Variants in GPN1 observed in about 807,000 individuals in gnomAD.
GPN1 encodes ATP(GTP)-binding protein.
A neutral mutation model predicts 55.9 loss-of-function variants in GPN1; 44 were observed. The ratio of observed to expected loss-of-function variants is 0.79; its 90% CI spans 0.62 to 1.01. The LOEUF is 1.01. Among genes scored for constraint, GPN1 ranks in the 50% least tolerant of loss-of-function variants. The pLI is 0.00. For missense variants in GPN1, 466 were observed against 462.8 expected (o/e 1.01, Z -0.06); for synonymous variants, 179 against 162.5 (o/e 1.10, Z -0.77).
intron 8 of GPN1, among the ~76,000 whole-genome samples, 185 bp from the exon 9 acceptor site, chr2:27,638,700 T>C (rs1673827317): frequency 6.6e-6 from 1 of 152,242 alleles, no homozygotes; most frequent in Non-Finnish European, 1.5e-5. Context: ...AATACACATC[T>C]TCATTTAATT....
intron 1 of GPN1, chr2:27,629,382 T>C (rs916043013): frequency 1.9e-6 from 3 of 1,550,988 alleles, no homozygotes; most frequent in Non-Finnish European, 2.6e-6. Flanking sequence ...CAGGGCATAC[T>C]CGGTCCAGCT....
Position 27,638,912 on chromosome 2 carries a change from G to C in GPN1, c.598G>C (p.Val200Leu). 6.2e-7 allele frequency: 1 copy of C among 1,613,964 alleles called. No individual in the cohort carries two copies. The change falls in exon 9 of 14, where the codon GTG becomes CTG. Residue 200 changes from valine (V) to leucine (L), a missense_variant. Transcript: ENST00000610189. ...KTDIIDHSFA[V>L]EWMQDFEAFQ... ...TGACATCATTGACCACAGCTTTGCAGTGGAATGGATGCAGGATTTTGAGGC... is the reference window on the plus strand; with the variant it reads ...TGACATCATTGACCACAGCTTTGCACTGGAATGGATGCAGGATTTTGAGGC...
Position 27,647,689 on chromosome 2 carries a change from T to C in GPN1, c.932-147T>C, listed in dbSNP as rs117123253. The C allele has an allele frequency of 1.1e-3, 624 of 584,364 alleles. 9 individuals are homozygous for C. In the East Asian group the frequency reaches 0.017, roughly 16 times the overall value. The allele number at this position is 584,364 out of a possible 1,614,324, so 36.2% of individuals were successfully genotyped here. A position where few individuals can be genotyped will look rare whatever the true frequency, so the allele number is the denominator to read the frequency against. ...AAGCTATTATAGAAATGTTAAGTGG[T>C]ATTAACAATACATTTAGAAGAGGTA... On this transcript the variant is annotated intron_variant, in intron 12 of 13. Transcript: ENST00000610189.
chr2:27,628,978 T>C (rs1411128387), upstream of GPN1: 2 of 1,585,972 alleles, frequency 1.3e-6, no homozygotes, highest in East Asian at 2.2e-5. Flanking sequence ...GTGGTGGTTT[T>C]CGTTCGCAGC....
At chr2:27,634,247 C>A (rs1269101884) in intron 5 of GPN1, among the ~76,000 whole-genome samples, 1 of 151,986 alleles carries the variant, frequency 6.6e-6, no homozygotes, top group Non-Finnish European at 1.5e-5. Flanking sequence ...TAAAAAAATT[C>A]TGATATAATT....
rs150078976 is a variant in GPN1, at chr2:27,636,976, C to G, written c.525-1234C>G. Among the ~76,000 whole-genome samples the G allele has an allele frequency of 1.8e-3, 273 of 152,196 alleles. 5 individuals are homozygous for G. The highest frequency in any genetic ancestry group is 0.014 in the Admixed American group (207 of 15,284). ...CAGATTACAGGCATGAGTCACACCC[C>G]CAGCTGGTAATCATTTCATGATGAA... is the stretch of plus-strand genomic sequence containing the variant. On this transcript the variant is annotated intron_variant, in intron 7 of 13. Transcript: ENST00000610189.
chr2:27,638,197 G>A lies in GPN1; in HGVS notation c.525-13G>A. The stretch of plus-strand genomic sequence containing the variant: ...GTGCTTTTACTAATAACTTCTCAAT[G>A]TTTGGTTTTCAGCATCTTATACAAA... On this transcript the variant is annotated splice_polypyrimidine_tract_variant and intron_variant, in intron 7 of 13. Transcript: ENST00000610189. 1.3e-6 allele frequency: 2 copies of A among 1,481,938 alleles called. No individual in the cohort carries two copies. The highest frequency in any genetic ancestry group is 1.9e-6 in the Non-Finnish European group (2 of 1,059,778). 91.8% of individuals were successfully genotyped at this position (1,481,938 alleles called of 1,614,324 possible).
intron 12 of GPN1, among the ~76,000 whole-genome samples, chr2:27,644,181 A>G (rs190829936): frequency 6.6e-6 from 1 of 152,150 alleles, no homozygotes; most frequent in Non-Finnish European, 1.5e-5. Context: ...TCCATCTTAA[A>G]AACAACAACA....
intron 13 of GPN1, among the ~76,000 whole-genome samples, chr2:27,648,967 G>A (rs550280340): frequency 7.9e-5 from 12 of 151,446 alleles, no homozygotes; most frequent in African/African-American, 2.4e-4. Context: ...ACCATAGGCC[G>A]GGCACGGTGG....
chr2:27,632,598 C>T lies in GPN1; in HGVS notation c.313-35C>T, dbSNP rs201228222. The T allele has an allele frequency of 2.6e-5, 39 of 1,511,694 alleles. 1 individual carries two copies. The highest frequency in any genetic ancestry group is 2.0e-4 in the South Asian group (18 of 88,964). 93.6% of individuals were successfully genotyped at this position (1,511,694 alleles called of 1,614,324 possible). On this transcript the variant is annotated intron_variant, in intron 4 of 13. Coordinates refer to ENST00000610189, the MANE Select transcript of GPN1 (RefSeq NM_007266.4). ...GGGCTCTGTGATTTTGTGTTGAAAT[C>T]GGAATTTGTTGTCATTGACATCTTT...
chr2:27,647,516 A>T (rs994076319), intron 12 of GPN1, among the ~76,000 whole-genome samples: 2 of 152,172 alleles, frequency 1.3e-5, no homozygotes, highest in Non-Finnish European at 2.9e-5. Flanking sequence ...GTTAGCTTTC[A>T]TAGGAAAAAC....
upstream of GPN1, chr2:27,628,553 C>CA (rs757104189): frequency 2.8e-5 from 44 of 1,551,552 alleles, no homozygotes; most frequent in East Asian, 1.0e-3. Context: ...GTTCGGTGCT[C>CA]AAAGGGTCTC....
chr2:27,644,729 T>G (rs971765927), intron 12 of GPN1, among the ~76,000 whole-genome samples: 7 of 148,214 alleles, frequency 4.7e-5, no homozygotes, highest in African/African-American at 1.5e-4. Context: ...TAGTGTTTTT[T>G]TTTTTTTTTT....
rs376010731 is a variant in GPN1 at position 27,631,873 on chromosome 2, C to A, written c.285C>A (p.Leu95=). Residue 95 remains leucine (L), a synonymous_variant, in exon 4 of 14, where the codon CTC becomes CTA. Coordinates refer to ENST00000610189, the MANE Select transcript of GPN1 (RefSeq NM_007266.4). The part of the protein sequence containing the change: ...LGPNGGIVTS[L]NLFATRFDQV... ...CCAATGGCGGCATAGTGACCTCACT[C>A]AATCTCTTTGCTACCAGATTTGATC... 77 of 1,600,344 alleles carry A rather than the reference C, an allele frequency of 4.8e-5. No individual in the cohort carries two copies. In the Admixed American group the frequency reaches 7.3e-4, roughly 15 times the overall value.
In GPN1 at chr2:27,629,927, T is replaced by G; in HGVS notation, c.180T>G (p.His60Gln). The G allele has an allele frequency of 6.2e-7, 1 of 1,600,882 alleles. No homozygotes were observed. Among genetic ancestry groups the G allele is most frequent in the African/African-American group, 1.3e-5 (1 of 74,758 alleles). The change falls in exon 2 of 14, where the codon CAT becomes CAG. Residue 60 changes from histidine (H) to glutamine (Q), a missense_variant. Physicochemically the swap from His to Gln is conservative, Grantham distance 24. Transcript: ENST00000610189. ...PYVINLDPAV[H>Q]EVPFPANIDI... ...TGATCAACCTGGATCCAGCAGTACA[T>G]GAAGTTCCCTTTCCTGCCAATATTG...
chr2:27,641,169 A>T, intron 10 of GPN1, 71 bp from the exon 11 acceptor site: 1 of 957,514 alleles, frequency 1.0e-6, no homozygotes. Flanking sequence ...GAAAATAGAG[A>T]TAAGGGGATG....
intron 12 of GPN1, among the ~76,000 whole-genome samples, chr2:27,647,400 G>A (rs548554869): frequency 9.2e-5 from 14 of 152,214 alleles, no homozygotes; most frequent in African/African-American, 3.4e-4. Context: ...ATTTCACCCT[G>A]TATTTTCTGC....
At chr2:27,645,108 C>T (rs924522643) in intron 12 of GPN1, among the ~76,000 whole-genome samples, 6 of 152,078 alleles carry the variant, frequency 3.9e-5, no homozygotes, top group African/African-American at 1.4e-4. Flanking sequence ...GCTAGATCTA[C>T]AGGTGTGTGC....
At chr2:27,635,814 A>G (rs1390592197) in intron 7 of GPN1, among the ~76,000 whole-genome samples, 1 of 152,178 alleles carries the variant, frequency 6.6e-6, no homozygotes, top group Non-Finnish European at 1.5e-5. Context: ...GCCTGGGGCA[A>G]CGAGAGAGAG....
Sources: allele counts gnomAD v4.1 joint callset (sites outside exome capture counted in the v4.1 genomes callset), GRCh38; gene constraint gnomAD v4.1.1; transcripts MANE v1.5; gene names NCBI Gene and HGNC (gene_info 2026-07-23, HGNC 2026-07-21).